GRID2: variants seen among roughly 807,000 people sequenced by gnomAD.
GRID2 encodes glutamate receptor ionotropic, delta-2.
A neutral mutation model predicts 114.8 loss-of-function variants in GRID2; 33 were observed. The observed-to-expected ratio is 0.29, with a 90% CI of 0.22 to 0.38. The LOEUF (loss-of-function observed/expected upper bound fraction) is 0.38. Ranked by LOEUF, GRID2 falls within the 10% of genes least tolerant of loss-of-function variation. The pLI, the probability that GRID2 is intolerant of heterozygous loss-of-function variation, is 1.00. For synonymous variants in GRID2, 505 were observed against 449.9 expected (o/e 1.12, Z -1.55); for missense variants, 1,184 against 1,257.7 (o/e 0.94, Z 0.89).
chr4:92,937,771 T>G (rs1750776473), intron 2 of GRID2, among the ~76,000 whole-genome samples: 1 of 146,800 alleles, frequency 6.8e-6, no homozygotes. Flanking sequence ...CTATACGGAT[T>G]GCATTGAGCC....
Position 93,769,392 on chromosome 4 carries a change from T to C in GRID2, c.2543T>C (p.Ile848Thr), listed in dbSNP as rs1459651784. 6.2e-7 allele frequency: 1 copy of C among 1,613,668 alleles called. No homozygotes were observed. The highest frequency in any genetic ancestry group is 1.3e-5 in the African/African-American group (1 of 75,006). The change falls in exon 15 of 16, where the codon ATA becomes ACA. Residue 848 changes from isoleucine (I) to threonine (T), a missense_variant. Around this residue, in one of 3 missense-constraint regions of GRID2, gnomAD observed 717 missense variants for 796.9 expected, o/e 0.90. Coordinates refer to ENST00000282020, the MANE Select transcript of GRID2 (RefSeq NM_001510.4). ...LAAGIVLSCF[I>T]AMLETWWNKR... ...GCTGGAATTGTCCTCTCCTGCTTCA[T>C]AGCCATGCTGGAGACGTGGTGGAAC...
chr4:93,619,268 A>C (rs2149680112), intron 13 of GRID2, among the ~76,000 whole-genome samples: 2 of 152,318 alleles, frequency 1.3e-5, no homozygotes, highest in South Asian at 2.1e-4. Flanking sequence ...GTGCTGTATA[A>C]ATTCAGAAGA....
chr4:92,489,845 A>T (rs971292510), intron 1 of GRID2, among the ~76,000 whole-genome samples: 1 of 122,560 alleles, frequency 8.2e-6, no homozygotes, highest in African/African-American at 3.0e-5. Context: ...GACTCCATTT[A>T]AAAAAAAAAA....
chr4:92,333,919 T>C (rs192311866), intron 1 of GRID2, among the ~76,000 whole-genome samples: 21 of 152,220 alleles, frequency 1.4e-4, no homozygotes, highest in African/African-American at 4.6e-4. Flanking sequence ...TTTTTAGAGA[T>C]GAGGTCTCAC....
intron 2 of GRID2, among the ~76,000 whole-genome samples, chr4:92,651,357 C>G (rs1291341216): frequency 1.3e-5 from 2 of 152,004 alleles, no homozygotes; most frequent in Non-Finnish European, 2.9e-5. Context: ...CCTGGTCAGC[C>G]TTGATGAGTG....
At chr4:93,082,237 C>T (rs556717521) in intron 2 of GRID2, among the ~76,000 whole-genome samples, 1 of 152,308 alleles carries the variant, frequency 6.6e-6, no homozygotes, top group South Asian at 2.1e-4. Context: ...TTTCAACAAA[C>T]TTGACAATAA....
At chr4:93,590,983 C>A (rs1243564930) in intron 13 of GRID2, among the ~76,000 whole-genome samples, 1 of 151,608 alleles carries the variant, frequency 6.6e-6, no homozygotes, top group Admixed American at 6.6e-5. Flanking sequence ...TCTAGATATA[C>A]AATCATGTCA....
intron 1 of GRID2, among the ~76,000 whole-genome samples, chr4:92,393,344 C>G (rs1730340139): frequency 6.6e-6 from 1 of 152,108 alleles, no homozygotes; most frequent in East Asian, 1.9e-4. Context: ...CATATAGATA[C>G]TCTATAGAAT....
chr4:92,683,554 A>C (rs1379589138), intron 2 of GRID2, among the ~76,000 whole-genome samples: 1 of 152,088 alleles, frequency 6.6e-6, no homozygotes, highest in African/African-American at 2.4e-5. Context: ...ATATAAAAAG[A>C]AGGAAAATGA....
intron 1 of GRID2, among the ~76,000 whole-genome samples, chr4:92,392,562 T>G (rs568531853): frequency 3.3e-5 from 5 of 152,070 alleles, no homozygotes; most frequent in Admixed American, 1.3e-4. Flanking sequence ...TATATTTCCC[T>G]GATTTTCTGA....
intron 7 of GRID2, 23 bp from the exon 8 acceptor site, chr4:93,238,348 T>A (rs779220978): frequency 4.5e-6 from 7 of 1,539,100 alleles, no homozygotes; most frequent in Non-Finnish European, 5.3e-6. Context: ...AAATTTTACA[T>A]CAGTATCTGT....
At position 92,402,315 on chromosome 4, in the gene GRID2, G is replaced by A. The variant is rs114135980; in HGVS notation, c.88+97571G>A. On this transcript the variant is annotated intron_variant, in intron 1 of 15. Coordinates refer to ENST00000282020, the MANE Select transcript of GRID2 (RefSeq NM_001510.4). ...TTTGACCTCCTCCCATGAAACACAC[G>A]TTTTTATTGGTATCTAGAGTGGAGA... Among the ~76,000 whole-genome samples, 436 of 152,110 alleles carry A rather than the reference G, an allele frequency of 2.9e-3. 4 individuals carry two copies. The highest frequency in any genetic ancestry group is 9.6e-3 in the African/African-American group (399 of 41,490).
At chr4:93,143,249 A>G (rs1345193955) in intron 4 of GRID2, among the ~76,000 whole-genome samples, 3 of 152,250 alleles carry the variant, frequency 2.0e-5, no homozygotes, top group Non-Finnish European at 4.4e-5. Context: ...ACTTAAGGAC[A>G]CACTACTTAG....
rs747457864 is a variant in GRID2, at chr4:93,085,058, G to T, written c.308G>T (p.Gly103Val). 9.3e-6 allele frequency: 15 copies of T among 1,614,058 alleles called. No individual in the cohort carries two copies. In the South Asian group the frequency reaches 1.2e-4, roughly 13 times the overall value. ...AGCTCCATTGGCTGCACGTCAGCAGGATCCCTCCAGTCTTTGGCAGACGCC... is the reference window on the plus strand; with the variant it reads ...AGCTCCATTGGCTGCACGTCAGCAGTATCCCTCCAGTCTTTGGCAGACGCC... ...LVSSIGCTSA[G>V]SLQSLADAMH... is the part of the protein sequence containing the mutation. The change falls in exon 3 of 16, where the codon GGA becomes GTA. Residue 103 changes from glycine to valine, a missense_variant. Physicochemically the swap from Gly to Val is moderately radical, Grantham distance 109. Transcript: ENST00000282020.
chr4:93,040,156 A>G (rs1408852790), intron 2 of GRID2, among the ~76,000 whole-genome samples: 1 of 152,118 alleles, frequency 6.6e-6, no homozygotes, highest in Non-Finnish European at 1.5e-5. Context: ...TAGAGCAAAT[A>G]TATAAACACT....
At chr4:92,845,892 A>G (rs1743281707) in intron 2 of GRID2, among the ~76,000 whole-genome samples, 2 of 152,082 alleles carry the variant, frequency 1.3e-5, no homozygotes, top group Non-Finnish European at 2.9e-5. Context: ...ATATTCGACA[A>G]TGTCTCTTCC....
At chr4:92,382,214 A>G (rs1729652096) in intron 1 of GRID2, among the ~76,000 whole-genome samples, 1 of 151,686 alleles carries the variant, frequency 6.6e-6, no homozygotes, top group Non-Finnish European at 1.5e-5. Context: ...TTAAGGTGGT[A>G]GAAAATACTA....
intron 4 of GRID2, chr4:93,164,890 A>C (rs890931072): frequency 5.0e-5 from 13 of 260,460 alleles, no homozygotes; most frequent in Non-Finnish European, 8.3e-6. Flanking sequence ...CGTGTTAAGG[A>C]AAATAACGTA....
Position 92,449,676 on chromosome 4 carries a change from GATATATATATATATATATAT to G in GRID2, c.89-140439_89-140420del, listed in dbSNP as rs371209786. Among the ~76,000 whole-genome samples the G allele has an allele frequency of 4.1e-4, 40 of 96,746 alleles. 1 individual carries two copies. Among genetic ancestry groups the G allele is most frequent in the African/African-American group, 1.5e-3 (35 of 23,790 alleles). 63.5% of individuals were successfully genotyped at this position (96,746 alleles called of 152,430 possible). Reference sequence around the variant, plus strand: ...TCAAATATGTCTATCTTTTCTTACTGATATATATATATATATATATATATATATATATATAACACTTAAGC... The same window carrying G: ...TCAAATATGTCTATCTTTTCTTACTGATATATATATATATAACACTTAAGC... On this transcript the variant is annotated intron_variant, in intron 1 of 15. Transcript: ENST00000282020.
Sources: allele counts gnomAD v4.1 joint callset (sites outside exome capture counted in the v4.1 genomes callset), GRCh38; gene constraint gnomAD v4.1.1; regional missense constraint gnomAD v4.1.1; transcripts MANE v1.5; gene names NCBI Gene and HGNC (gene_info 2026-07-23, HGNC 2026-07-21).